Variants in LPCAT1 observed in about 807,000 individuals in gnomAD.
LPCAT1 encodes the protein 1-acylglycerol-3-phosphate O-acyltransferase.
Under a neutral mutation model 60.9 loss-of-function variants are expected in LPCAT1, and 23 were observed. That is an observed-to-expected ratio of 0.38 (90% CI 0.27 to 0.53). LPCAT1 has a LOEUF of 0.53. Among genes scored for constraint, LPCAT1 ranks in the 20% least tolerant of loss-of-function variants. The pLI is 0.82. For synonymous variants in LPCAT1, 340 were observed against 301.1 expected, an observed-to-expected ratio of 1.13 and a Z score of -1.34; for missense variants, 622 against 723.6, an observed-to-expected ratio of 0.86 and a Z score of 1.61.
intron 13 of LPCAT1, among the ~76,000 whole-genome samples, chr5:1,465,354 G>T (rs938287594): frequency 7.1e-6 from 1 of 141,154 alleles, no homozygotes; most frequent in Non-Finnish European, 1.5e-5. Context: ...ACACACATGC[G>T]CACGCACAAG....
intron 1 of LPCAT1, among the ~76,000 whole-genome samples, chr5:1,511,895 G>T (rs111262309): frequency 5.9e-5 from 9 of 152,354 alleles, no homozygotes; most frequent in African/African-American, 2.2e-4. Flanking sequence ...ACAACCCCAA[G>T]GAGGCAGCCT....
At chr5:1,518,386 G>T (rs1736570338) in intron 1 of LPCAT1, among the ~76,000 whole-genome samples, 1 of 152,214 alleles carries the variant, frequency 6.6e-6, no homozygotes, top group Non-Finnish European at 1.5e-5. Context: ...TGTCGCCCAG[G>T]CTGGAGTGCA....
chr5:1,510,556 C>G (rs768916621), intron 1 of LPCAT1, among the ~76,000 whole-genome samples: 2 of 152,260 alleles, frequency 1.3e-5, no homozygotes, highest in Non-Finnish European at 2.9e-5. Flanking sequence ...GGGCGTCTTA[C>G]GAGGATGCTG....
chr5:1,504,570 C>T (rs534280802), intron 1 of LPCAT1, among the ~76,000 whole-genome samples: 163 of 152,106 alleles, frequency 1.1e-3, no homozygotes, highest in Non-Finnish European at 1.9e-3. Flanking sequence ...CAAAAGTAGC[C>T]GGGCGTGGTG....
intron 13 of LPCAT1, among the ~76,000 whole-genome samples, chr5:1,464,457 G>A (rs1280058271): frequency 6.6e-6 from 1 of 152,118 alleles, no homozygotes; most frequent in Non-Finnish European, 1.5e-5. Flanking sequence ...GGTTGTTACT[G>A]GAAATTGCAG....
rs147585568 is a variant in LPCAT1, at chr5:1,512,411, C to A, written c.136-10808G>T. Among the ~76,000 whole-genome samples, 3 of 152,356 alleles carry A rather than the reference C, an allele frequency of 2.0e-5. No individual in the cohort carries two copies. The East Asian group carries it at 5.8e-4, about 29-fold the overall frequency. On this transcript the variant is annotated intron_variant, in intron 1 of 13. Transcript: ENST00000283415. ...ACACTAGAGCCTCCCTCTCACTATCCCTGAAGCACCCAGTGTCCATGCTTC... is the reference window on the plus strand; with the variant it reads ...ACACTAGAGCCTCCCTCTCACTATCACTGAAGCACCCAGTGTCCATGCTTC...
At position 1,494,773 on chromosome 5, in the gene LPCAT1, G is replaced by A. The variant is rs746591208; in HGVS notation, c.420C>T (p.Asp140=). ...ACATCGTCATGGTCACAGGGATGGCGTCGAAGTAGGACGAGTGAGGCGCGA... is the reference window on the plus strand; with the variant it reads ...ACATCGTCATGGTCACAGGGATGGCATCGAAGTAGGACGAGTGAGGCGCGA... ...LTLAPHSSYF[D]AIPVTMTMSS... Residue 140 remains aspartate (D), a synonymous_variant, in exon 3 of 14, where the codon GAC becomes GAT. Transcript: ENST00000283415. 16 of 1,614,104 alleles carry A rather than the reference G, an allele frequency of 9.9e-6. No individual in the cohort carries two copies. Among genetic ancestry groups the A allele is most frequent in the Non-Finnish European group, 1.3e-5 (15 of 1,180,040 alleles).
intron 2 of LPCAT1, among the ~76,000 whole-genome samples, chr5:1,501,225 GACCCCTGGAA>G (rs1735990648): frequency 6.6e-6 from 1 of 152,188 alleles, no homozygotes; most frequent in Admixed American, 6.5e-5. Context: ...ACATCCTGCA[GACCCCTGGAA>G]AATGAAGCCT....
At chr5:1,466,122 T>C (rs1007209064) in intron 13 of LPCAT1, among the ~76,000 whole-genome samples, 1 of 152,262 alleles carries the variant, frequency 6.6e-6, no homozygotes, top group Non-Finnish European at 1.5e-5. Flanking sequence ...CTCGGGTGGA[T>C]GCAGCGTAGC....
rs1211368544 is a variant in LPCAT1 at position 1,495,212 on chromosome 5, A to G, written c.279-298T>C. ...GACAACATGAGACTCCGGAACACAG[A>G]CAGCACAAGTCCCAGGCCAGAAGAC... On this transcript the variant is annotated intron_variant, in intron 2 of 13. Coordinates refer to ENST00000283415, the MANE Select transcript of LPCAT1 (RefSeq NM_024830.5). The surrounding 1 kb of genome is among the most constrained non-coding windows in gnomAD (Gnocchi z 4.7). Among the ~76,000 whole-genome samples the G allele has an allele frequency of 6.6e-6, 1 of 152,200 alleles. No homozygotes were observed. The highest frequency in any genetic ancestry group is 6.5e-5 in the Admixed American group (1 of 15,288).
chr5:1,464,803 ACAAG>A (rs1734271520), intron 13 of LPCAT1, among the ~76,000 whole-genome samples: 1 of 150,460 alleles, frequency 6.6e-6, no homozygotes, highest in Non-Finnish European at 1.5e-5. Flanking sequence ...CACACACAAA[ACAAG>A]CACACACACG....
In LPCAT1 at chr5:1,523,911, G is replaced by C. The variant is rs969484304; in HGVS notation, c.-67C>G. On this transcript the variant is annotated 5_prime_UTR_variant, in exon 1 of 14. Coordinates refer to ENST00000283415, the MANE Select transcript of LPCAT1 (RefSeq NM_024830.5). This position sits in a 1 kb window ranked among gnomAD's most constrained non-coding sequence, Gnocchi z 7.1. ...GCGCCGAGCGGGGCCGGGGCTAGCTGGGCGCGGGTCTCGGGGCGCGGGCCG... is the reference window on the plus strand; with the variant it reads ...GCGCCGAGCGGGGCCGGGGCTAGCTCGGCGCGGGTCTCGGGGCGCGGGCCG... 7.0e-6 allele frequency: 7 copies of C among 993,314 alleles called. No homozygotes were observed. In the African/African-American group the frequency reaches 1.1e-4, roughly 15 times the overall value. The allele number at this position is 993,314 out of a possible 1,614,324, so 61.5% of individuals were successfully genotyped here.
At chr5:1,468,984 G>A (rs1734555145) in intron 12 of LPCAT1, among the ~76,000 whole-genome samples, 3 of 152,254 alleles carry the variant, frequency 2.0e-5, no homozygotes, top group Admixed American at 2.0e-4. Flanking sequence ...ATGACTTCAG[G>A]AAATGATGAC....
In LPCAT1 at chr5:1,463,731, T is replaced by C. The variant is rs770913919; in HGVS notation, c.1525A>G (p.Ile509Val). Reference sequence around the variant, plus strand: ...AAATCGGCACAGAAGCCGTTTGGGATTGGCGCAGGTGAGGTCTCTGCACAG... The same window carrying C: ...AAATCGGCACAGAAGCCGTTTGGGACTGGCGCAGGTGAGGTCTCTGCACAG... ...ESCAETSPAP[I>V]PNGFCADFSP... The change falls in exon 14 of 14, where the codon ATC becomes GTC. Residue 509 changes from isoleucine to valine, a missense_variant. Physicochemically the swap from Ile to Val is conservative, Grantham distance 29. Coordinates refer to ENST00000283415, the MANE Select transcript of LPCAT1 (RefSeq NM_024830.5). 57 of 1,614,098 alleles carry C rather than the reference T, an allele frequency of 3.5e-5. No homozygotes were observed. The highest frequency in any genetic ancestry group is 4.1e-5 in the Non-Finnish European group (48 of 1,180,048).
Position 1,463,794 on chromosome 5 carries a change from C to T in LPCAT1, c.1462G>A (p.Glu488Lys), listed in dbSNP as rs770042906. Residue 488 changes from glutamate (E) to lysine (K), a missense_variant, in exon 14 of 14, where the codon GAG (glutamate) becomes AAG (lysine). Transcript: ENST00000283415. The part of the protein sequence containing the change: ...RFAEMYPAFA[E>K]EYLYPDQTHF... Reference sequence around the variant, plus strand: ...GTCTGATCCGGGTACAGGTATTCCTCTGCGAAGGCAGGGTACATTTCTGCA... The same window carrying T: ...GTCTGATCCGGGTACAGGTATTCCTTTGCGAAGGCAGGGTACATTTCTGCA... The T allele has an allele frequency of 1.9e-6, 3 of 1,614,138 alleles. No individual in the cohort carries two copies. In the African/African-American group the frequency reaches 4.0e-5, roughly 22 times the overall value.
intron 12 of LPCAT1, 92 bp downstream of exon 12, chr5:1,470,729 TAACTG>T: frequency 1.2e-6 from 1 of 847,282 alleles, no homozygotes; most frequent in Admixed American, 2.8e-5. Flanking sequence ...AATGATCAAT[TAACTG>T]ATATTATAAG....
At chr5:1,482,073 C>A (rs1479684383) in intron 6 of LPCAT1, among the ~76,000 whole-genome samples, 1 of 152,136 alleles carries the variant, frequency 6.6e-6, no homozygotes, top group Admixed American at 6.5e-5. Flanking sequence ...ATGGGCAGGC[C>A]CTCCTCGGTG....
chr5:1,518,779 G>A (rs1320434699), intron 1 of LPCAT1, among the ~76,000 whole-genome samples: 3 of 152,234 alleles, frequency 2.0e-5, no homozygotes, highest in South Asian at 2.1e-4. Context: ...ATGACGATAG[G>A]GGGCCGGACC....
rs1560970911 is a variant in LPCAT1 at position 1,487,548 on chromosome 5, GCA to G, written c.667+841_667+842del. On this transcript the variant is annotated intron_variant, in intron 5 of 13. Coordinates refer to ENST00000283415, the MANE Select transcript of LPCAT1 (RefSeq NM_024830.5). This position sits in a 1 kb window ranked among gnomAD's most constrained non-coding sequence, Gnocchi z 6.1. ...CGGCGGCACACGTAGGTGAGTGACT[GCA>G]CACTTTCTCGACCCAGCTCCCATAA... Among the ~76,000 whole-genome samples, 1 of 151,938 alleles carries G rather than the reference GCA, an allele frequency of 6.6e-6. No individual in the cohort carries two copies. Among genetic ancestry groups the G allele is most frequent in the African/African-American group, 2.4e-5 (1 of 41,348 alleles).
Sources: allele counts gnomAD v4.1 joint callset (sites outside exome capture counted in the v4.1 genomes callset), GRCh38; gene constraint gnomAD v4.1.1; non-coding constraint Gnocchi (gnomAD v3.1); transcripts MANE v1.5; gene names NCBI Gene and HGNC (gene_info 2026-07-23, HGNC 2026-07-21).